Variants in EVA1A observed in about 807,000 individuals in gnomAD.
EVA1A encodes eva-1 homolog A, regulator of programmed cell death.
A neutral mutation model predicts 9.8 loss-of-function variants in EVA1A; 7 were observed. The observed-to-expected ratio is 0.71, with a 90% CI of 0.41 to 1.34. The LOEUF is 1.34. Among genes scored for constraint, EVA1A ranks in the 40% most tolerant of loss-of-function variants. The pLI, the probability that EVA1A is intolerant of heterozygous loss-of-function variation, is 0.01. For missense variants in EVA1A, 206 were observed against 205.9 expected, an observed-to-expected ratio of 1.00 and a Z score of 0.00; for synonymous variants, 90 against 85.6, an observed-to-expected ratio of 1.05 and a Z score of -0.28.
intron 1 of EVA1A, among the ~76,000 whole-genome samples, chr2:75,532,164 A>C (rs1484262984): frequency 2.0e-5 from 1 of 49,904 alleles, no homozygotes; most frequent in African/African-American, 2.4e-4. Context: ...TGTCTCAAAA[A>C]AAAAAAAAAA....
At chr2:75,501,384 T>C (rs781634900) in intron 3 of EVA1A, among the ~76,000 whole-genome samples, 3 of 152,244 alleles carry the variant, frequency 2.0e-5, no homozygotes, top group Admixed American at 6.5e-5. Context: ...AGAGTTCTAT[T>C]AAAGATCACT....
chr2:75,508,339 T>C (rs1243994205), intron 3 of EVA1A, among the ~76,000 whole-genome samples: 1 of 152,216 alleles, frequency 6.6e-6, no homozygotes, highest in East Asian at 1.9e-4. Context: ...GAAATATCGC[T>C]GAATTCTTTT....
intron 3 of EVA1A, among the ~76,000 whole-genome samples, chr2:75,510,176 AC>A (rs1448474873): frequency 2.6e-5 from 4 of 152,190 alleles, no homozygotes; most frequent in African/African-American, 9.6e-5. Context: ...TTTCTTGGTT[AC>A]ACAAGTGTAT....
intron 1 of EVA1A, among the ~76,000 whole-genome samples, 180 bp downstream of exon 1, chr2:75,560,500 G>C (rs1676885130): frequency 6.6e-6 from 1 of 152,178 alleles, no homozygotes; most frequent in South Asian, 2.1e-4. Flanking sequence ...GCGCTGGGAA[G>C]CAGAGTTCCC....
At chr2:75,552,893 ATTC>A (rs1008574589) in intron 1 of EVA1A, among the ~76,000 whole-genome samples, 11 of 152,190 alleles carry the variant, frequency 7.2e-5, no homozygotes, top group Admixed American at 3.9e-4. Context: ...CACCTATCTT[ATTC>A]TTCTCCAATA....
At chr2:75,518,847 C>T in intron 2 of EVA1A, 2 of 985,492 alleles carry the variant, frequency 2.0e-6, no homozygotes, top group African/African-American at 1.7e-5. Flanking sequence ...AAATGTGTGC[C>T]TTTGGCAGTG....
At position 75,546,798 on chromosome 2, in the gene EVA1A, C is replaced by T. The variant is rs75638273; in HGVS notation, c.-192+13882G>A. Among the ~76,000 whole-genome samples, 11 of 151,056 alleles carry T rather than the reference C, an allele frequency of 7.3e-5. No individual in the cohort carries two copies. The East Asian group carries it at 2.2e-3, about 30-fold the overall frequency. On this transcript the variant is annotated intron_variant, in intron 1 of 3. Transcript: ENST00000393913. ...TCAAATTAAGACAAAGGCATTAGGG[C>T]GGGCCTCAACCCAATATAACTGGTG... is the stretch of plus-strand genomic sequence containing the variant.
chr2:75,558,052 C>G (rs1676784170), intron 1 of EVA1A, among the ~76,000 whole-genome samples: 1 of 152,226 alleles, frequency 6.6e-6, no homozygotes, highest in Admixed American at 6.5e-5. Context: ...TCATTAGCTC[C>G]ATGACTCTGG....
At chr2:75,504,503 C>T (rs943264359) in intron 3 of EVA1A, among the ~76,000 whole-genome samples, 6 of 152,224 alleles carry the variant, frequency 3.9e-5, no homozygotes, top group African/African-American at 1.4e-4. Flanking sequence ...TTACTGCCCT[C>T]TCTAAAATGC....
chr2:75,527,107 C>T (rs1424881164), intron 1 of EVA1A, among the ~76,000 whole-genome samples: 2 of 152,178 alleles, frequency 1.3e-5, no homozygotes, highest in Non-Finnish European at 2.9e-5. Context: ...TCTAGCAAGA[C>T]AGAAAACTCT....
intron 1 of EVA1A, among the ~76,000 whole-genome samples, chr2:75,546,752 A>C (rs1277913777): frequency 6.6e-6 from 1 of 152,138 alleles, no homozygotes; most frequent in Non-Finnish European, 1.5e-5. Flanking sequence ...TTATTTGGAA[A>C]TAGGGTCTTT....
upstream of EVA1A, among the ~76,000 whole-genome samples, chr2:75,565,844 C>T (rs147819615): frequency 1.1e-4 from 17 of 152,182 alleles, no homozygotes; most frequent in African/African-American, 3.1e-4. Flanking sequence ...ATCAGGAGGC[C>T]GAAAATTTTT....
At chr2:75,536,054 A>C (rs1675880748) in intron 1 of EVA1A, among the ~76,000 whole-genome samples, 1 of 152,230 alleles carries the variant, frequency 6.6e-6, no homozygotes, top group African/African-American at 2.4e-5. Flanking sequence ...ATTGTTATAT[A>C]TGAAGTTAGT....
intron 1 of EVA1A, among the ~76,000 whole-genome samples, chr2:75,554,801 T>C (rs1399340077): frequency 6.6e-6 from 1 of 152,328 alleles, no homozygotes; most frequent in East Asian, 1.9e-4. Flanking sequence ...GGAGGAAGGA[T>C]GGTCCCCAGA....
At chr2:75,563,706 TACC>T (rs1202584120), upstream of EVA1A, among the ~76,000 whole-genome samples, 2 of 152,250 alleles carry the variant, frequency 1.3e-5, no homozygotes, top group African/African-American at 4.8e-5. Context: ...TGTTCCTGTC[TACC>T]ACCTCTGCCC....
chr2:75,494,584 G>A (rs919736715), intron 3 of EVA1A, among the ~76,000 whole-genome samples: 5 of 152,190 alleles, frequency 3.3e-5, no homozygotes, highest in Admixed American at 2.6e-4. Context: ...GAGGAATGGT[G>A]CCAACAGCCA....
At chr2:75,504,392 C>T (rs138729837) in intron 3 of EVA1A, among the ~76,000 whole-genome samples, 3,030 of 152,246 alleles carry the variant, frequency 0.02, 87 homozygotes, top group African/African-American at 0.061. Flanking sequence ...GCCTGGGCAA[C>T]AGGGTAAGAC....
chr2:75,528,444 G>A (rs909600916), intron 1 of EVA1A, among the ~76,000 whole-genome samples: 1 of 152,224 alleles, frequency 6.6e-6, no homozygotes, highest in Non-Finnish European at 1.5e-5. Context: ...GTTGGCAGGA[G>A]TGAGACTGGC....
intron 3 of EVA1A, among the ~76,000 whole-genome samples, chr2:75,502,322 C>A (rs775073315): frequency 1.1e-4 from 17 of 152,122 alleles, no homozygotes; most frequent in Non-Finnish European, 2.5e-4. Context: ...GGTTTTCAGA[C>A]CATGAAGGTT....
Sources: allele counts gnomAD v4.1 joint callset (sites outside exome capture counted in the v4.1 genomes callset), GRCh38; gene constraint gnomAD v4.1.1; transcripts MANE v1.5; gene names NCBI Gene and HGNC (gene_info 2026-07-23, HGNC 2026-07-21).